Variants in CSMD1 observed in about 807,000 individuals in gnomAD.
CSMD1 encodes CUB and Sushi multiple domains 1, also known as CUB and sushi domain-containing protein 1.
CSMD1 carries 213 observed loss-of-function variants against 417.5 expected under a neutral mutation model. The observed-to-expected ratio is 0.51, with a 90% CI of 0.46 to 0.57. CSMD1 has a LOEUF of 0.57. Ranked by LOEUF, CSMD1 falls within the 20% of genes least tolerant of loss-of-function variation. CSMD1 has a pLI of 0.00. For missense variants in CSMD1, 6,923 were observed against 4,529.7 expected, an observed-to-expected ratio of 1.53 and a Z score of -15.17; for synonymous variants, 2,862 against 1,736.8, an observed-to-expected ratio of 1.65 and a Z score of -16.11.
intron 3 of CSMD1, among the ~76,000 whole-genome samples, chr8:4,110,440 T>G (rs1303693219): frequency 1.3e-5 from 2 of 152,146 alleles, no homozygotes; most frequent in East Asian, 3.8e-4. Context: ...TTTCATTACT[T>G]TTCCTTTAAG....
intron 12 of CSMD1, among the ~76,000 whole-genome samples, chr8:3,445,145 C>T (rs762588735): frequency 2.0e-5 from 3 of 152,198 alleles, no homozygotes; most frequent in Non-Finnish European, 4.4e-5. Flanking sequence ...TTACAACCTA[C>T]ATCAAACAAT....
chr8:3,971,884 A>AT (rs923165608), intron 5 of CSMD1, among the ~76,000 whole-genome samples: 15 of 151,940 alleles, frequency 9.9e-5, no homozygotes, highest in African/African-American at 3.1e-4. Context: ...TTCTTTGTTG[A>AT]TTTTTTTGTT....
chr8:4,734,293 C>T (rs1810086104), intron 1 of CSMD1, among the ~76,000 whole-genome samples: 5 of 151,956 alleles, frequency 3.3e-5, no homozygotes, highest in Admixed American at 3.3e-4. Context: ...TTGAGCAGTA[C>T]TAAAAAAGCA....
intron 1 of CSMD1, among the ~76,000 whole-genome samples, chr8:4,817,780 T>C (rs915546961): frequency 1.3e-5 from 2 of 152,228 alleles, no homozygotes; most frequent in Non-Finnish European, 2.9e-5. Context: ...TCAATGTGAT[T>C]AGAAATACAC....
In CSMD1 at chr8:3,060,504, A is replaced by C. The variant is rs942608453; in HGVS notation, c.7475-7857T>G. Among the ~76,000 whole-genome samples the C allele has an allele frequency of 3.3e-5, 5 of 152,286 alleles. No homozygotes were observed. In the East Asian group the frequency reaches 9.7e-4, roughly 29 times the overall value. On this transcript the variant is annotated intron_variant, in intron 49 of 69. Transcript: ENST00000635120. ...GTCTATTAACAACTTTTAAATAATA[A>C]AAAATTACTATTAGAACAGACCACT... is the stretch of plus-strand genomic sequence containing the variant.
intron 6 of CSMD1, among the ~76,000 whole-genome samples, chr8:3,728,995 C>G (rs751062413): frequency 4.7e-4 from 71 of 152,298 alleles, no homozygotes; most frequent in South Asian, 1.5e-3. Context: ...GAGTGTGATG[C>G]TACTGTCCTC....
intron 7 of CSMD1, among the ~76,000 whole-genome samples, chr8:3,696,852 TA>T (rs1451336670): frequency 1.3e-5 from 2 of 152,220 alleles, no homozygotes; most frequent in Non-Finnish European, 2.9e-5. Context: ...TAAATTCCCT[TA>T]TTTCTATATT....
chr8:3,930,688 G>C lies in CSMD1; in HGVS notation c.818+67215C>G, dbSNP rs117306906. ...TGTCATGGCAAAACTGCTGGCAAGT[G>C]TACCCTTTCTGCAGAAAGGAAAAAA... On this transcript the variant is annotated intron_variant, in intron 5 of 69. Coordinates refer to ENST00000635120, the MANE Select transcript of CSMD1 (RefSeq NM_033225.6). 2.7e-5 allele frequency among the ~76,000 whole-genome samples: 4 copies of C among 150,194 alleles called. No homozygotes were observed. The East Asian group carries it at 7.8e-4, about 29-fold the overall frequency.
chr8:3,818,132 G>A (rs939246890), intron 5 of CSMD1, among the ~76,000 whole-genome samples: 5 of 152,102 alleles, frequency 3.3e-5, no homozygotes, highest in African/African-American at 1.2e-4. Context: ...CCCAAAGAGA[G>A]TTTCAGCTAA....
intron 23 of CSMD1, among the ~76,000 whole-genome samples, chr8:3,317,052 T>A (rs1367899175): frequency 6.6e-6 from 1 of 151,142 alleles, no homozygotes; most frequent in Non-Finnish European, 1.5e-5. Context: ...TGAGTGAGAG[T>A]GGACACAGAA....
chr8:4,296,258 T>C (rs1251187734), intron 3 of CSMD1, among the ~76,000 whole-genome samples: 1 of 152,100 alleles, frequency 6.6e-6, no homozygotes, highest in East Asian at 1.9e-4. Context: ...GAGGAGTTTA[T>C]AGCACCAGAA....
intron 26 of CSMD1, among the ~76,000 whole-genome samples, chr8:3,246,009 T>C (rs1484716750): frequency 6.6e-6 from 1 of 152,192 alleles, no homozygotes; most frequent in East Asian, 1.9e-4. Flanking sequence ...GTTTTGGTTT[T>C]AATTATTTAT....
chr8:3,819,354 T>C (rs977782854), intron 5 of CSMD1, among the ~76,000 whole-genome samples: 9 of 152,124 alleles, frequency 5.9e-5, no homozygotes, highest in Non-Finnish European at 1.3e-4. Flanking sequence ...GTCATTTCAT[T>C]TTATCATTAT....
rs373275820 is a variant in CSMD1 at position 4,125,784 on chromosome 8, TATCAATTGATCA to T, written c.416-93697_416-93686del. On this transcript the variant is annotated intron_variant, in intron 3 of 69. Coordinates refer to ENST00000635120, the MANE Select transcript of CSMD1 (RefSeq NM_033225.6). ...AGCCCTTATCAACTGATAGAGCCCT[TATCAATTGATCA>T]ATTGATAACAGCCCAAGAAGACCCC... Among the ~76,000 whole-genome samples, 581 of 152,278 alleles carry T rather than the reference TATCAATTGATCA, an allele frequency of 3.8e-3. 5 individuals are homozygous for T. Among genetic ancestry groups the T allele is most frequent in the African/African-American group, 0.013 (553 of 41,560 alleles).
intron 2 of CSMD1, among the ~76,000 whole-genome samples, chr8:4,460,073 G>T (rs559361829): frequency 3.3e-5 from 5 of 151,996 alleles, no homozygotes; most frequent in African/African-American, 1.2e-4. Context: ...TGTTTTCAAG[G>T]GCGTATGAAA....
intron 11 of CSMD1, among the ~76,000 whole-genome samples, chr8:3,481,809 G>A (rs1229355735): frequency 6.6e-6 from 1 of 152,162 alleles, no homozygotes; most frequent in African/African-American, 2.4e-5. Context: ...TTCTTCCCCA[G>A]GGCCTTTGGA....
At chr8:4,799,365 C>A (rs1176880287) in intron 1 of CSMD1, among the ~76,000 whole-genome samples, 1 of 151,356 alleles carries the variant, frequency 6.6e-6, no homozygotes, top group Non-Finnish European at 1.5e-5. Flanking sequence ...TAATTTTAGC[C>A]CTAGATCATA....
chr8:4,877,653 C>G (rs1266983417), intron 1 of CSMD1, among the ~76,000 whole-genome samples: 1 of 151,752 alleles, frequency 6.6e-6, no homozygotes, highest in Non-Finnish European at 1.5e-5. Context: ...CCAAATATAG[C>G]CAATAAACAC....
At chr8:3,234,160 G>A (rs1188721612) in intron 26 of CSMD1, among the ~76,000 whole-genome samples, 1 of 152,156 alleles carries the variant, frequency 6.6e-6, no homozygotes, top group African/African-American at 2.4e-5. Context: ...ATCAGCAGAG[G>A]CAATCAGGGC....
Sources: gnomAD v4.1 joint callset for allele counts (sites outside exome capture counted in the v4.1 genomes callset) on GRCh38, gnomAD v4.1.1 for gene constraint, MANE v1.5 for transcripts, NCBI Gene and HGNC (gene_info 2026-07-23, HGNC 2026-07-21) for gene names.